Variants in KPTN observed in about 807,000 individuals in gnomAD.
The protein encoded by KPTN is kaptin, actin binding protein.
In KPTN, 36 loss-of-function variants were observed where a neutral mutation model predicts 52.6. That is an observed-to-expected ratio of 0.68 (90% CI 0.52 to 0.90). The LOEUF (loss-of-function observed/expected upper bound fraction) is 0.90. Ranked by LOEUF, KPTN falls within the 40% of genes least tolerant of loss-of-function variation. KPTN has a pLI of 0.00. For missense variants in KPTN, 529 were observed against 576.2 expected, an observed-to-expected ratio of 0.92 and a Z score of 0.84; for synonymous variants, 271 against 248.4, an observed-to-expected ratio of 1.09 and a Z score of -0.85.
In KPTN at chr19:47,476,941, G is replaced by A; in HGVS notation, c.864-3C>T. The stretch of plus-strand genomic sequence containing the variant: ...CAAGACCCCGGTTCAGCAGGTCCCT[G>A]AGGGTCCCAAATACAGCATATAGAC... On this transcript the variant is annotated splice_region_variant and splice_polypyrimidine_tract_variant and intron_variant, in intron 9 of 11. Coordinates refer to ENST00000338134, the MANE Select transcript of KPTN (RefSeq NM_007059.4). The A allele has an allele frequency of 6.4e-7, 1 of 1,554,782 alleles. No individual in the cohort carries two copies. Among genetic ancestry groups the A allele is most frequent in the Non-Finnish European group, 8.7e-7 (1 of 1,148,724 alleles).
Position 47,480,380 on chromosome 19 carries a change from G to T in KPTN, c.627C>A (p.Phe209Leu), listed in dbSNP as rs765134097. 7.7e-6 allele frequency: 12 copies of T among 1,549,242 alleles called. No individual in the cohort carries two copies. Among genetic ancestry groups the T allele is most frequent in the Non-Finnish European group, 1.0e-5 (12 of 1,146,284 alleles). Residue 209 changes from phenylalanine (F) to leucine (L), a missense_variant, in exon 7 of 12, where the codon TTC (phenylalanine) becomes TTA (leucine). Coordinates refer to ENST00000338134, the MANE Select transcript of KPTN (RefSeq NM_007059.4). ...SSVLWLDVHNFPGTSRRLSAL... is the reference protein window; with the variant it reads ...SSVLWLDVHNLPGTSRRLSAL... Reference sequence around the variant, plus strand: ...CTGAGAGGCGCCGGGACGTGCCGGGGAAGTTGTGGACGTCCAGCCAGAGGA... The same window carrying T: ...CTGAGAGGCGCCGGGACGTGCCGGGTAAGTTGTGGACGTCCAGCCAGAGGA...
At chr19:47,477,415 T>A (rs971689260) in intron 9 of KPTN, among the ~76,000 whole-genome samples, 9 of 152,168 alleles carry the variant, frequency 5.9e-5, no homozygotes, top group Non-Finnish European at 1.2e-4. Flanking sequence ...TGGTAAATGC[T>A]ACAAACCTGG....
chr19:47,476,938 C>A lies in KPTN; in HGVS notation c.864G>T (p.Arg288=), dbSNP rs1174209020. The change falls in exon 10 of 12, where the codon CGG becomes CGT. Residue 288 remains arginine, a splice_region_variant and synonymous_variant. Transcript: ENST00000338134. ...CTTCAAGACCCCGGTTCAGCAGGTC[C>A]CTGAGGGTCCCAAATACAGCATATA... ...ASMLEPAVVY[R]DLLNRGLEDQ... is the part of the protein sequence containing the mutation. The A allele has an allele frequency of 1.3e-6, 2 of 1,554,858 alleles. No homozygotes were observed. Among genetic ancestry groups the A allele is most frequent in the Non-Finnish European group, 8.7e-7 (1 of 1,148,814 alleles).
Position 47,480,797 on chromosome 19 carries a change from C to T in KPTN, c.562G>A (p.Glu188Lys). Residue 188 changes from glutamate to lysine, a missense_variant, in exon 6 of 12, where the codon GAA (glutamate) becomes AAA (lysine). Glu to Lys is a moderately conservative substitution (Grantham distance 56, BLOSUM62 1). Coordinates refer to ENST00000338134, the MANE Select transcript of KPTN (RefSeq NM_007059.4). Reference sequence around the variant, plus strand: ...TTCGTCAGCTCTGGGAAGAGGTTTTCCACGGGCTGTTCCTCAAACTGATGC... The same window carrying T: ...TTCGTCAGCTCTGGGAAGAGGTTTTTCACGGGCTGTTCCTCAAACTGATGC... ...GLHQFEEQPV[E>K]NLFPELTNLT... 6.2e-7 allele frequency: 1 copy of T among 1,614,098 alleles called. No individual in the cohort carries two copies. Among genetic ancestry groups the T allele is most frequent in the Non-Finnish European group, 8.5e-7 (1 of 1,180,024 alleles).
chr19:47,482,396 G>A (rs1459440688), intron 4 of KPTN, among the ~76,000 whole-genome samples: 3 of 148,548 alleles, frequency 2.0e-5, no homozygotes, highest in South Asian at 2.2e-4. Context: ...GGCTGAGGCA[G>A]TAGAATCACT....
At chr19:47,479,776 C>A in intron 8 of KPTN, 87 bp downstream of exon 8, 1 of 1,110,368 alleles carries the variant, frequency 9.0e-7, no homozygotes. Context: ...GAGAGGGGTG[C>A]AAATCTGGGT....
chr19:47,476,448 C>T, intron 11 of KPTN, 84 bp downstream of exon 11: 1 of 1,175,194 alleles, frequency 8.5e-7, no homozygotes, highest in Admixed American at 2.8e-5. Context: ...GAAATGAGTT[C>T]CTCCCTCCCC....
chr19:47,477,814 C>G (rs772070931), intron 8 of KPTN, 33 bp from the exon 9 acceptor site: 6 of 1,532,254 alleles, frequency 3.9e-6, no homozygotes, highest in Non-Finnish European at 4.5e-6. Flanking sequence ...AATCCCAGCA[C>G]TTTGGGAGGC....
In KPTN at chr19:47,478,169, G is replaced by A. The variant is rs184590669; in HGVS notation, c.788-388C>T. Among the ~76,000 whole-genome samples the A allele has an allele frequency of 5.9e-5, 9 of 152,272 alleles. No individual in the cohort carries two copies. In the East Asian group the frequency reaches 1.7e-3, roughly 29 times the overall value. On this transcript the variant is annotated intron_variant, in intron 8 of 11. Coordinates refer to ENST00000338134, the MANE Select transcript of KPTN (RefSeq NM_007059.4). ...AGGCCCCTTTAATGAGAGACATGCA[G>A]GTTAGATCTCAGGAAAAAGTCTTGA...
rs1031056646 is a variant in KPTN at position 47,480,424 on chromosome 19, T to C, written c.600-17A>G. The C allele has an allele frequency of 3.0e-5, 45 of 1,523,252 alleles. No individual in the cohort carries two copies. In the African/African-American group the frequency reaches 5.4e-4, roughly 18 times the overall value. 94.4% of individuals were successfully genotyped at this position (1,523,252 alleles called of 1,614,324 possible). ...CAGAGGACGCTGGCGGGCGGGTGGATGGACAGGACGGACGGCCATTGCTGG... is the reference window on the plus strand; with the variant it reads ...CAGAGGACGCTGGCGGGCGGGTGGACGGACAGGACGGACGGCCATTGCTGG... On this transcript the variant is annotated splice_polypyrimidine_tract_variant and intron_variant, in intron 6 of 11. Transcript: ENST00000338134.
intron 4 of KPTN, 116 bp downstream of exon 4, chr19:47,483,045 T>C: frequency 5.4e-6 from 6 of 1,120,148 alleles, no homozygotes; most frequent in Non-Finnish European, 8.1e-6. Context: ...GTACAACCTC[T>C]TTATTTTCCA....
intron 4 of KPTN, 88 bp from the exon 5 acceptor site, chr19:47,481,121 T>A: frequency 9.5e-7 from 1 of 1,047,920 alleles, no homozygotes; most frequent in Non-Finnish European, 1.4e-6. Flanking sequence ...CCCCTGCCTG[T>A]TGAGAACCTT....
chr19:47,480,674 T>A, intron 6 of KPTN, 86 bp downstream of exon 6: 1 of 1,253,684 alleles, frequency 8.0e-7, no homozygotes, highest in Non-Finnish European at 1.2e-6. Context: ...TCCTCCCCGG[T>A]GACCAATTTC....
At position 47,479,355 on chromosome 19, in the gene KPTN, C is replaced by T. The variant is rs570237194; in HGVS notation, c.787+508G>A. Among the ~76,000 whole-genome samples the T allele has an allele frequency of 4.2e-4, 64 of 152,282 alleles. 1 individual carries two copies. The highest frequency in any genetic ancestry group is 1.5e-3 in the African/African-American group (62 of 41,536). On this transcript the variant is annotated intron_variant, in intron 8 of 11. Coordinates refer to ENST00000338134, the MANE Select transcript of KPTN (RefSeq NM_007059.4). ...AAAACTTTTTTAAAAAAGCAAAATG[C>T]CAGTCAGGGACAGACCCCAGTAAAG...
Position 47,475,169 on chromosome 19 carries a change from T to C in KPTN, c.*247A>G, listed in dbSNP as rs185423925. ...GGGAAATGATGTTCTTCTGGACGTATAAATAACCATCAGGTGGCCAATTCT... is the reference window on the plus strand; with the variant it reads ...GGGAAATGATGTTCTTCTGGACGTACAAATAACCATCAGGTGGCCAATTCT... On this transcript the variant is annotated 3_prime_UTR_variant, in exon 12 of 12. Coordinates refer to ENST00000338134, the MANE Select transcript of KPTN (RefSeq NM_007059.4). 5.2e-6 allele frequency: 2 copies of C among 384,662 alleles called. No individual in the cohort carries two copies. The highest frequency in any genetic ancestry group is 5.1e-5 in the East Asian group (1 of 19,734). The allele number at this position is 384,662 out of a possible 1,614,324, so 23.8% of individuals were successfully genotyped here.
Position 47,476,587 on chromosome 19 carries a change from C to T in KPTN, c.1127G>A (p.Gly376Glu), listed in dbSNP as rs1376093054. 4 of 1,612,002 alleles carry T rather than the reference C, an allele frequency of 2.5e-6. No homozygotes were observed. In the African/African-American group the frequency reaches 4.0e-5, roughly 16 times the overall value. The change falls in exon 11 of 12, where the codon GGG (glycine) becomes GAG (glutamate). Residue 376 changes from glycine to glutamate, a missense_variant. Gly to Glu is a moderately conservative substitution (Grantham distance 98). Coordinates refer to ENST00000338134, the MANE Select transcript of KPTN (RefSeq NM_007059.4). ...LLAMAHVDLT[G>E]DGLQELAVVS... ...CACGGCAAGCTCCTGCAGCCCATCC[C>T]CGGTCAGGTCCACGTGAGCCATGGC...
intron 4 of KPTN, among the ~76,000 whole-genome samples, chr19:47,482,552 G>A (rs1449271516): frequency 6.6e-6 from 1 of 151,602 alleles, no homozygotes; most frequent in Admixed American, 6.6e-5. Flanking sequence ...GATTGTCTAT[G>A]GACAAGTTCG....
At chr19:47,483,866 C>CAG in intron 1 of KPTN, 69 bp downstream of exon 1, 2 of 1,591,820 alleles carry the variant, frequency 1.3e-6, no homozygotes, top group Non-Finnish European at 8.6e-7. Context: ...CCGGCTCAGA[C>CAG]AGAGCCTCAG....
rs774014224 is a variant in KPTN at position 47,483,523 on chromosome 19, A to C, written c.288T>G (p.Val96=). 2 of 1,588,668 alleles carry C rather than the reference A, an allele frequency of 1.3e-6. No individual in the cohort carries two copies. Among genetic ancestry groups the C allele is most frequent in the South Asian group, 2.3e-5 (2 of 88,720 alleles). ...FNKSPPKRGL[V]VGITFIKDSG... ...GTACCTTGATGAACGTGATCCCCACAACCAGACCCCGCTTGGGGGGTGACT... is the reference window on the plus strand; with the variant it reads ...GTACCTTGATGAACGTGATCCCCACCACCAGACCCCGCTTGGGGGGTGACT... Residue 96 remains valine (V), a synonymous_variant, in exon 2 of 12, where the codon GTT becomes GTG. Transcript: ENST00000338134.
Sources: allele counts gnomAD v4.1 joint callset (sites outside exome capture counted in the v4.1 genomes callset), GRCh38; gene constraint gnomAD v4.1.1; transcripts MANE v1.5; gene names NCBI Gene and HGNC (gene_info 2026-07-23, HGNC 2026-07-21).